TAFA5: variants seen among roughly 807,000 people sequenced by gnomAD.
TAFA5 encodes chemokine-like protein TAFA-5.
In TAFA5, 6 loss-of-function variants were observed where a neutral mutation model predicts 15.3. That is an observed-to-expected ratio of 0.39 (90% CI 0.21 to 0.77). TAFA5 has a LOEUF of 0.77. Among genes scored for constraint, TAFA5 ranks in the 30% least tolerant of loss-of-function variants. The pLI is 0.41. For missense variants in TAFA5, 161 were observed against 193.1 expected (o/e 0.83, Z 0.98); for synonymous variants, 103 against 80.7 (o/e 1.28, Z -1.48).
chr22:48,704,200 G>GCACACACA (rs61363637), intron 2 of TAFA5, among the ~76,000 whole-genome samples: 44 of 150,108 alleles, frequency 2.9e-4, no homozygotes, highest in African/African-American at 1.0e-3. Flanking sequence ...ACACACACGC[G>GCACACACA]CACACACACA....
chr22:48,724,213 CA>C (rs1212078479), intron 3 of TAFA5, among the ~76,000 whole-genome samples: 1 of 152,214 alleles, frequency 6.6e-6, no homozygotes, highest in Non-Finnish European at 1.5e-5. Flanking sequence ...AGGAGAGACT[CA>C]GGGTACTGCT....
chr22:48,505,921 G>T (rs187243182), intron 1 of TAFA5, among the ~76,000 whole-genome samples: 1 of 152,192 alleles, frequency 6.6e-6, no homozygotes, highest in Non-Finnish European at 1.5e-5. Context: ...AGGCTGGCAC[G>T]GCGTGGTCCA....
intron 2 of TAFA5, among the ~76,000 whole-genome samples, chr22:48,678,822 A>T (rs1025365261): frequency 6.6e-6 from 1 of 150,492 alleles, no homozygotes; most frequent in African/African-American, 2.4e-5. Flanking sequence ...GTGTAAGGAC[A>T]GAAGAAACTT....
intron 3 of TAFA5, among the ~76,000 whole-genome samples, chr22:48,729,277 A>G (rs1023892623): frequency 2.2e-5 from 3 of 134,686 alleles, no homozygotes; most frequent in Admixed American, 8.3e-5. Context: ...ATATTTATTT[A>G]TAAATATATA....
At chr22:48,584,900 T>TCACACACACACACCACACA (rs1555889927) in intron 1 of TAFA5, among the ~76,000 whole-genome samples, 7,509 of 118,802 alleles carry the variant, frequency 0.063, 255 homozygotes, top group African/African-American at 0.084. Context: ...AAAATACATC[T>TCACACACACACACCACACA]CACACACACA....
intron 1 of TAFA5, among the ~76,000 whole-genome samples, chr22:48,575,362 C>T (rs184546331): frequency 6.7e-6 from 1 of 149,780 alleles, no homozygotes; most frequent in African/African-American, 2.4e-5. Context: ...AGTGCGCATC[C>T]GCGGCTCCGC....
chr22:48,710,737 C>T (rs1184651053), intron 3 of TAFA5, among the ~76,000 whole-genome samples: 5 of 152,194 alleles, frequency 3.3e-5, no homozygotes, highest in African/African-American at 7.2e-5. Flanking sequence ...CAGAGGGGTT[C>T]GAGCCTTCCT....
intron 3 of TAFA5, among the ~76,000 whole-genome samples, chr22:48,724,277 CTGTGTAGTCATGGCCA>C (rs1362607802): frequency 2.0e-5 from 3 of 152,238 alleles, no homozygotes; most frequent in Admixed American, 6.5e-5. Flanking sequence ...AGATTTGGCA[CTGTGTAGTCATGGCCA>C]TGTGGCTTCA....
At chr22:48,663,371 G>A (rs554096220) in intron 2 of TAFA5, among the ~76,000 whole-genome samples, 4 of 152,262 alleles carry the variant, frequency 2.6e-5, no homozygotes, top group Non-Finnish European at 5.9e-5. Flanking sequence ...CACTGCCAAA[G>A]TCACCTTGGA....
chr22:48,748,082 C>G (rs112480829), intron 3 of TAFA5, among the ~76,000 whole-genome samples: 2 of 152,184 alleles, frequency 1.3e-5, no homozygotes, highest in Admixed American at 6.5e-5. Context: ...AAGCTGAACA[C>G]GCGCTCCACA....
intron 1 of TAFA5, among the ~76,000 whole-genome samples, chr22:48,638,005 G>T (rs974190923): frequency 8.5e-5 from 13 of 152,198 alleles, no homozygotes; most frequent in African/African-American, 2.4e-4. Flanking sequence ...CAAGACAGTC[G>T]CTGAGGACAT....
intron 1 of TAFA5, among the ~76,000 whole-genome samples, chr22:48,596,384 G>A (rs1924764970): frequency 6.6e-6 from 1 of 152,178 alleles, no homozygotes. Context: ...CTCCCGGTGT[G>A]GTCCTCACTG....
chr22:48,567,736 T>A (rs1923455906), intron 1 of TAFA5, among the ~76,000 whole-genome samples: 1 of 152,138 alleles, frequency 6.6e-6, no homozygotes, highest in Admixed American at 6.5e-5. Context: ...AGCTCTTAGT[T>A]CTGGGTACCC....
intron 1 of TAFA5, among the ~76,000 whole-genome samples, chr22:48,536,086 G>C (rs140455952): frequency 6.2e-4 from 95 of 152,348 alleles, no homozygotes; most frequent in Middle Eastern, 3.4e-3. Context: ...CGCATGCAGC[G>C]AGTTCCCGCA....
intron 3 of TAFA5, among the ~76,000 whole-genome samples, chr22:48,746,847 G>A (rs936555591): frequency 3.3e-5 from 5 of 152,124 alleles, no homozygotes; most frequent in African/African-American, 9.7e-5. Flanking sequence ...GCACCCCTGG[G>A]GCCTGGTGCC....
chr22:48,715,700 T>A (rs130165), intron 3 of TAFA5, among the ~76,000 whole-genome samples: 9,539 of 152,066 alleles, frequency 0.063, 365 homozygotes, highest in Admixed American at 0.095. Flanking sequence ...ACTGGGTGAG[T>A]GGTGGGGCCT....
At position 48,503,179 on chromosome 22, in the gene TAFA5, G is replaced by C. The variant is rs117822596; in HGVS notation, c.112+13475G>C. Among the ~76,000 whole-genome samples, 503 of 152,332 alleles carry C rather than the reference G, an allele frequency of 3.3e-3. 10 individuals carry two copies. In the East Asian group the frequency reaches 0.052, roughly 16 times the overall value. The stretch of plus-strand genomic sequence containing the variant: ...TGTCCCATTACCAGGGCTCTGCCAT[G>C]TCTGTGAGCTGGAGAAGGCAGGGGC... On this transcript the variant is annotated intron_variant, in intron 1 of 3. Coordinates refer to ENST00000402357, the MANE Select transcript of TAFA5 (RefSeq NM_001082967.3).
chr22:48,718,351 G>T (rs1251545983), intron 3 of TAFA5, among the ~76,000 whole-genome samples: 6 of 152,164 alleles, frequency 3.9e-5, no homozygotes, highest in Non-Finnish European at 7.4e-5. Flanking sequence ...CTCTGTGGGG[G>T]CAGCGGGGAG....
chr22:48,581,343 G>A (rs1924031181), intron 1 of TAFA5, among the ~76,000 whole-genome samples: 1 of 152,238 alleles, frequency 6.6e-6, no homozygotes, highest in Non-Finnish European at 1.5e-5. Context: ...GGGCCAGCTG[G>A]GGGTCCCTCC....
Sources: allele counts gnomAD v4.1 joint callset (sites outside exome capture counted in the v4.1 genomes callset), GRCh38; gene constraint gnomAD v4.1.1; transcripts MANE v1.5; gene names NCBI Gene and HGNC (gene_info 2026-07-23, HGNC 2026-07-21).